FAM117B: variants seen among roughly 807,000 people sequenced by gnomAD.
The protein encoded by FAM117B is protein FAM117B.
FAM117B carries 22 observed loss-of-function variants against 52.8 expected under a neutral mutation model. That is an observed-to-expected ratio of 0.42 (90% CI 0.30 to 0.59). The LOEUF is 0.59. Ranked by LOEUF, FAM117B falls within the 20% of genes least tolerant of loss-of-function variation. The pLI is 0.22. For missense variants in FAM117B, 678 were observed against 802.6 expected, an observed-to-expected ratio of 0.84 and a Z score of 1.88; for synonymous variants, 309 against 324.1, an observed-to-expected ratio of 0.95 and a Z score of 0.50.
intron 2 of FAM117B, among the ~76,000 whole-genome samples, chr2:202,715,284 C>A (rs1384456586): frequency 1.4e-5 from 2 of 140,940 alleles, no homozygotes; most frequent in South Asian, 4.6e-4. Context: ...CGGGACGGGG[C>A]GGCTGGCCTG....
chr2:202,750,141 C>T (rs754273412), intron 4 of FAM117B, among the ~76,000 whole-genome samples: 10 of 152,132 alleles, frequency 6.6e-5, no homozygotes, highest in Non-Finnish European at 1.5e-4. Context: ...ATGAGCTCTT[C>T]GTGTGCATGG....
intron 1 of FAM117B, among the ~76,000 whole-genome samples, chr2:202,686,209 G>T (rs940822458): frequency 1.2e-4 from 18 of 152,182 alleles, no homozygotes; most frequent in Non-Finnish European, 1.5e-4. Context: ...TAAAGCCACG[G>T]TGAACCATTG....
intron 1 of FAM117B, among the ~76,000 whole-genome samples, chr2:202,672,380 T>G (rs1323393007): frequency 6.6e-6 from 1 of 152,024 alleles, no homozygotes; most frequent in African/African-American, 2.4e-5. Flanking sequence ...GCCTGGCTAA[T>G]TTTTGTATTT....
rs1000823459 is a variant in FAM117B, at chr2:202,635,918, T to G, written c.601+130T>G. 63 of 882,064 alleles carry G rather than the reference T, an allele frequency of 7.1e-5. No individual in the cohort carries two copies. The African/African-American group carries it at 3.0e-3, about 42-fold the overall frequency. The allele number at this position is 882,064 out of a possible 1,614,324, so 54.6% of individuals were successfully genotyped here. A position where few individuals can be genotyped will look rare whatever the true frequency, so the allele number is the denominator to read the frequency against. ...TGGCTGGGGGCGGGGCTGGGGGCGGTGCCGGGCGGTGGGGGACCCGGCAGT... is the reference window on the plus strand; with the variant it reads ...TGGCTGGGGGCGGGGCTGGGGGCGGGGCCGGGCGGTGGGGGACCCGGCAGT... On this transcript the variant is annotated intron_variant, in intron 1 of 7. Transcript: ENST00000392238.
chr2:202,677,318 G>A (rs1283121425), intron 1 of FAM117B, among the ~76,000 whole-genome samples: 5 of 151,792 alleles, frequency 3.3e-5, no homozygotes, highest in East Asian at 1.9e-4. Context: ...CGCCCGCCTC[G>A]GCCTCCCAAA....
chr2:202,695,757 T>C (rs896974422), intron 1 of FAM117B, 124 bp from the exon 2 acceptor site: 1 of 973,330 alleles, frequency 1.0e-6, no homozygotes, highest in African/African-American at 1.6e-5. Flanking sequence ...CTTGGAAGTA[T>C]CCCCTGTGGT....
In FAM117B at chr2:202,689,911, C is replaced by T. The variant is rs188313062; in HGVS notation, c.602-5970C>T. Among the ~76,000 whole-genome samples the T allele has an allele frequency of 3.2e-4, 48 of 152,138 alleles. 1 individual carries two copies. The South Asian group carries it at 7.7e-3, about 24-fold the overall frequency. On this transcript the variant is annotated intron_variant, in intron 1 of 7. Transcript: ENST00000392238. ...GAGCCCTGATCCTGCCACTGCAGTT[C>T]GGCCTGGGTGACAGAGTGAGACCCT...
chr2:202,720,197 G>A (rs1691128611), intron 2 of FAM117B, among the ~76,000 whole-genome samples: 1 of 151,970 alleles, frequency 6.6e-6, no homozygotes. Flanking sequence ...TCATTCTTCT[G>A]TATTGATTTG....
chr2:202,658,061 T>G (rs907492972), intron 1 of FAM117B, among the ~76,000 whole-genome samples: 3 of 152,230 alleles, frequency 2.0e-5, no homozygotes, highest in Non-Finnish European at 4.4e-5. Context: ...CTTTAAACAT[T>G]GAAAACCACA....
chr2:202,689,368 C>T (rs944200035), intron 1 of FAM117B, among the ~76,000 whole-genome samples: 4 of 151,898 alleles, frequency 2.6e-5, no homozygotes, highest in Non-Finnish European at 5.9e-5. Context: ...CTTGAACCTG[C>T]GAGGCTTGAG....
At chr2:202,734,773 G>A (rs925195539) in intron 4 of FAM117B, among the ~76,000 whole-genome samples, 4 of 152,154 alleles carry the variant, frequency 2.6e-5, no homozygotes, top group African/African-American at 9.7e-5. Flanking sequence ...ATTTGAGGGA[G>A]CACCTAAATG....
chr2:202,692,529 A>G (rs1389960300), intron 1 of FAM117B, among the ~76,000 whole-genome samples: 3 of 152,236 alleles, frequency 2.0e-5, no homozygotes, highest in Non-Finnish European at 4.4e-5. Flanking sequence ...TTCAAAATAT[A>G]ATAATTGAAT....
chr2:202,713,505 T>C (rs1334862805), intron 2 of FAM117B, among the ~76,000 whole-genome samples: 1 of 152,194 alleles, frequency 6.6e-6, no homozygotes, highest in East Asian at 1.9e-4. Flanking sequence ...GTTGTCTTCA[T>C]GTCAAATTCA....
chr2:202,715,443 G>A lies in FAM117B; in HGVS notation c.754-9474G>A, dbSNP rs181312995. ...CAGAGACGCTCCTCACCTCCCAGAC[G>A]GGGTTGCGGCCGGGCAGAGGCGCTC... is the stretch of plus-strand genomic sequence containing the variant. On this transcript the variant is annotated intron_variant, in intron 2 of 7. Transcript: ENST00000392238. Among the ~76,000 whole-genome samples, 1,272 of 151,904 alleles carry A rather than the reference G, an allele frequency of 8.4e-3. 22 individuals are homozygous for A. Among genetic ancestry groups the A allele is most frequent in the African/African-American group, 0.029 (1,200 of 41,418 alleles).
chr2:202,718,972 C>T (rs1253206030), intron 2 of FAM117B, among the ~76,000 whole-genome samples: 1 of 152,208 alleles, frequency 6.6e-6, no homozygotes, highest in Non-Finnish European at 1.5e-5. Flanking sequence ...TGTATTTCCT[C>T]TTGACCTCCA....
In FAM117B at chr2:202,670,427, T is replaced by A. The variant is rs190263535; in HGVS notation, c.602-25454T>A. Among the ~76,000 whole-genome samples the A allele has an allele frequency of 6.3e-3, 956 of 152,084 alleles. 6 individuals are homozygous for A. Among genetic ancestry groups the A allele is most frequent in the Non-Finnish European group, 9.6e-3 (651 of 67,982 alleles). On this transcript the variant is annotated intron_variant, in intron 1 of 7. Coordinates refer to ENST00000392238, the MANE Select transcript of FAM117B (RefSeq NM_173511.4). ...GCCTCAGCTTCCTGAGTAGGTGGGA[T>A]TACAGGCGCCTGCCACCATGCCCAG...
chr2:202,765,166 G>A (rs1455167463), intron 7 of FAM117B, among the ~76,000 whole-genome samples: 1 of 152,132 alleles, frequency 6.6e-6, no homozygotes, highest in Non-Finnish European at 1.5e-5. Context: ...TCATCGGGCT[G>A]AGCCACCTGC....
chr2:202,762,815 C>G (rs1362435768), intron 7 of FAM117B, among the ~76,000 whole-genome samples: 2 of 151,294 alleles, frequency 1.3e-5, no homozygotes, highest in African/African-American at 4.9e-5. Flanking sequence ...TTTTTTGGTG[C>G]TTTATGTTAT....
chr2:202,654,225 T>C (rs1690019803), intron 1 of FAM117B, among the ~76,000 whole-genome samples: 1 of 151,828 alleles, frequency 6.6e-6, no homozygotes, highest in African/African-American at 2.4e-5. Context: ...TTAAGAACAC[T>C]TACTGAGATA....
Sources: allele counts gnomAD v4.1 joint callset (sites outside exome capture counted in the v4.1 genomes callset), GRCh38; gene constraint gnomAD v4.1.1; transcripts MANE v1.5; gene names NCBI Gene and HGNC (gene_info 2026-07-23, HGNC 2026-07-21).